THSD4: variants seen among roughly 807,000 people sequenced by gnomAD.
THSD4 encodes the protein thrombospondin type-1 domain-containing protein 4.
A neutral mutation model predicts 119.0 loss-of-function variants in THSD4; 69 were observed. That is an observed-to-expected ratio of 0.58 (90% CI 0.48 to 0.71). The LOEUF (loss-of-function observed/expected upper bound fraction) is 0.71. Among genes scored for constraint, THSD4 ranks in the 30% least tolerant of loss-of-function variants. The pLI is 0.00. For synonymous variants in THSD4, 524 were observed against 540.4 expected (o/e 0.97, Z 0.42); for missense variants, 1,393 against 1,391.1 (o/e 1.00, Z -0.02).
intron 7 of THSD4, among the ~76,000 whole-genome samples, chr15:71,560,655 A>G (rs2049097999): frequency 6.6e-6 from 1 of 152,216 alleles, no homozygotes; most frequent in African/African-American, 2.4e-5. Context: ...ATAGTTGTAT[A>G]TAATACGTGT....
At chr15:71,651,853 CTCTTGCAAAGGCTTAGAGGTGCCA>C (rs1483325865) in intron 7 of THSD4, among the ~76,000 whole-genome samples, 1 of 152,166 alleles carries the variant, frequency 6.6e-6, no homozygotes, top group Non-Finnish European at 1.5e-5. Flanking sequence ...GGTAAGTACC[CTCTTGCAAAGGCTTAGAGGTGCCA>C]TCTTGTGGAG....
rs11408465 is a variant in THSD4, at chr15:71,490,559, CAA to C, written c.1152+78756_1152+78757del. ...TGGGTGACAGAGCAAGACTCCGTCT[CAA>C]AAAAAAAAAAAAAAAAAAACATTAG... On this transcript the variant is annotated intron_variant, in intron 7 of 17. Transcript: ENST00000261862. Among the ~76,000 whole-genome samples, 26 of 90,890 alleles carry C rather than the reference CAA, an allele frequency of 2.9e-4. 1 individual carries two copies. The highest frequency in any genetic ancestry group is 4.0e-4 in the South Asian group (1 of 2,504). The allele number at this position is 90,890 out of a possible 152,430, so 59.6% of individuals were successfully genotyped here. A position where few individuals can be genotyped will look rare whatever the true frequency, so the allele number is the denominator to read the frequency against.
intron 15 of THSD4, among the ~76,000 whole-genome samples, chr15:71,763,365 T>C (rs1361274464): frequency 2.1e-5 from 3 of 139,738 alleles, no homozygotes; most frequent in South Asian, 4.2e-4. Flanking sequence ...TAGTCGATTC[T>C]TTAAAGTCTA....
chr15:71,423,200 A>T (rs960260843), intron 7 of THSD4, among the ~76,000 whole-genome samples: 1 of 152,148 alleles, frequency 6.6e-6, no homozygotes, highest in Non-Finnish European at 1.5e-5. Flanking sequence ...CCAAACTGGT[A>T]TCTAAGCTAC....
At chr15:71,102,989 A>T (rs1264907585) in intron 1 of THSD4, among the ~76,000 whole-genome samples, 3 of 152,208 alleles carry the variant, frequency 2.0e-5, no homozygotes, top group Non-Finnish European at 4.4e-5. Context: ...TGGTAATTCT[A>T]ACATCTGTAT....
intron 7 of THSD4, among the ~76,000 whole-genome samples, chr15:71,481,349 A>G (rs1308765261): frequency 1.3e-5 from 2 of 152,326 alleles, no homozygotes; most frequent in South Asian, 2.1e-4. Flanking sequence ...TCATTCCTTC[A>G]TATATATTTA....
At chr15:71,174,117 A>C (rs2043414304) in intron 3 of THSD4, among the ~76,000 whole-genome samples, 1 of 152,186 alleles carries the variant, frequency 6.6e-6, no homozygotes, top group Non-Finnish European at 1.5e-5. Flanking sequence ...TTGTGCCTTA[A>C]AAAGACACTA....
At chr15:71,567,354 T>C (rs917986218) in intron 7 of THSD4, among the ~76,000 whole-genome samples, 2 of 151,870 alleles carry the variant, frequency 1.3e-5, no homozygotes, top group African/African-American at 2.4e-5. Context: ...GGAAGTGAGA[T>C]AGGAAGGGAA....
chr15:71,127,087 C>A (rs1326984820), intron 1 of THSD4, among the ~76,000 whole-genome samples: 2 of 152,178 alleles, frequency 1.3e-5, no homozygotes, highest in Non-Finnish European at 2.9e-5. Flanking sequence ...CACCATTGCC[C>A]CCACCCTCCA....
At chr15:71,512,921 C>T (rs2048303616) in intron 7 of THSD4, among the ~76,000 whole-genome samples, 1 of 152,110 alleles carries the variant, frequency 6.6e-6, no homozygotes, top group Admixed American at 6.5e-5. Flanking sequence ...TGAAGGAGTT[C>T]TTTTAACTCT....
chr15:71,168,250 A>G (rs1470673824), intron 3 of THSD4, among the ~76,000 whole-genome samples: 2 of 152,342 alleles, frequency 1.3e-5, no homozygotes, highest in Admixed American at 6.5e-5. Flanking sequence ...CGATTGTAGA[A>G]TGCTTTAAAA....
At chr15:71,599,718 C>T (rs2049971139) in intron 7 of THSD4, among the ~76,000 whole-genome samples, 1 of 152,228 alleles carries the variant, frequency 6.6e-6, no homozygotes, top group Non-Finnish European at 1.5e-5. Flanking sequence ...TTCCCTTCTG[C>T]CGCTCAGCCG....
In THSD4 at chr15:71,731,111, G is replaced by T. The variant is rs762332490; in HGVS notation, c.1534-10G>T. 1 of 1,614,016 alleles carries T rather than the reference G, an allele frequency of 6.2e-7. No homozygotes were observed. On this transcript the variant is annotated splice_polypyrimidine_tract_variant and intron_variant, in intron 9 of 17. Coordinates refer to ENST00000261862, the MANE Select transcript of THSD4 (RefSeq NM_024817.3). ...GCCAAGTGCGGTAACACTGATTTTT[G>T]TGTCAGCAGATGATACACCAGCAGC...
At chr15:71,723,199 G>A (rs1196346716) in intron 8 of THSD4, among the ~76,000 whole-genome samples, 1 of 152,064 alleles carries the variant, frequency 6.6e-6, no homozygotes, top group Non-Finnish European at 1.5e-5. Context: ...CAGGGTGTAT[G>A]GGCATTTCAA....
chr15:71,737,981 C>A lies in THSD4; in HGVS notation c.1880C>A (p.Thr627Lys), dbSNP rs1161376038. The change falls in exon 11 of 18, where the codon ACA (threonine) becomes AAA (lysine). Residue 627 changes from threonine to lysine, a missense_variant. Thr to Lys is a moderately conservative substitution (Grantham distance 78). Transcript: ENST00000261862. ...RDHNWKQLGT[T>K]ECSTTCGKGS... The stretch of plus-strand genomic sequence containing the variant: ...CACAACTGGAAGCAGCTTGGGACAA[C>A]AGAATGTTCCACGACCTGTGGGAAA... The A allele has an allele frequency of 6.2e-7, 1 of 1,613,784 alleles. No homozygotes were observed.
At chr15:71,544,733 C>T (rs185312953) in intron 7 of THSD4, among the ~76,000 whole-genome samples, 1 of 152,208 alleles carries the variant, frequency 6.6e-6, no homozygotes, top group Admixed American at 6.5e-5. Flanking sequence ...TTATGCGTAA[C>T]AGCCAAATGG....
At chr15:71,475,979 T>G (rs1280891392) in intron 7 of THSD4, among the ~76,000 whole-genome samples, 1 of 152,210 alleles carries the variant, frequency 6.6e-6, no homozygotes, top group African/African-American at 2.4e-5. Context: ...AGATGGGCTT[T>G]GGGCTCATAT....
At chr15:71,547,053 G>T (rs1366167795) in intron 7 of THSD4, among the ~76,000 whole-genome samples, 1 of 152,166 alleles carries the variant, frequency 6.6e-6, no homozygotes, top group Non-Finnish European at 1.5e-5. Flanking sequence ...CCTGCATGTG[G>T]CGTGCTTACC....
chr15:71,507,250 C>CT, intron 7 of THSD4, among the ~76,000 whole-genome samples: 1 of 152,268 alleles, frequency 6.6e-6, no homozygotes, highest in South Asian at 2.1e-4. Context: ...CAGTGTGCCA[C>CT]TTTTTTGATG....
Sources: allele counts gnomAD v4.1 joint callset (sites outside exome capture counted in the v4.1 genomes callset), GRCh38; gene constraint gnomAD v4.1.1; transcripts MANE v1.5; gene names NCBI Gene and HGNC (gene_info 2026-07-23, HGNC 2026-07-21).